HMGCLL1: variants seen among roughly 807,000 people sequenced by gnomAD.
HMGCLL1 encodes 3-hydroxy-3-methylglutaryl-CoA lyase like 1.
A neutral mutation model predicts 39.1 loss-of-function variants in HMGCLL1; 36 were observed. That is an observed-to-expected ratio of 0.92 (90% CI 0.71 to 1.22). The LOEUF is 1.22. HMGCLL1 is among the 50% of genes most tolerant of loss of function. The pLI, the probability that HMGCLL1 is intolerant of heterozygous loss-of-function variation, is 0.00. For synonymous variants in HMGCLL1, 149 were observed against 144.0 expected (o/e 1.03, Z -0.25); for missense variants, 451 against 416.5 (o/e 1.08, Z -0.72).
At chr6:55,464,683 G>A (rs1764724245) in intron 7 of HMGCLL1, among the ~76,000 whole-genome samples, 1 of 152,074 alleles carries the variant, frequency 6.6e-6, no homozygotes, top group South Asian at 2.1e-4. Flanking sequence ...TTGACACTCA[G>A]AGCCCAGGCC....
chr6:55,672,732 C>T, the HMGCLL1 span, among the ~76,000 whole-genome samples: 1 of 151,866 alleles, frequency 6.6e-6, no homozygotes, highest in African/African-American at 2.4e-5. Context: ...TTGCAAAATA[C>T]TATAATAATA....
chr6:55,678,398 G>A, the HMGCLL1 span, among the ~76,000 whole-genome samples: 2 of 151,656 alleles, frequency 1.3e-5, no homozygotes, highest in Non-Finnish European at 1.5e-5. Flanking sequence ...TGAAATACAG[G>A]GAATGAATAA....
the HMGCLL1 span, among the ~76,000 whole-genome samples, chr6:55,659,070 A>T: frequency 6.6e-6 from 1 of 151,918 alleles, no homozygotes; most frequent in East Asian, 1.9e-4. Flanking sequence ...TGTTAGCACA[A>T]TATGAAGAGA....
At chr6:55,492,943 C>A (rs574014918) in intron 7 of HMGCLL1, among the ~76,000 whole-genome samples, 1 of 152,126 alleles carries the variant, frequency 6.6e-6, no homozygotes, top group Non-Finnish European at 1.5e-5. Context: ...CTGAGGGGTA[C>A]AGTATCGATC....
chr6:55,435,810 G>T, intron 8 of HMGCLL1, 47 bp from the exon 9 acceptor site: 1 of 976,814 alleles, frequency 1.0e-6, no homozygotes. Flanking sequence ...GGATTAGAGA[G>T]AAAAAAGATA....
intron 8 of HMGCLL1, among the ~76,000 whole-genome samples, chr6:55,437,039 A>G (rs929964540): frequency 2.6e-5 from 4 of 152,038 alleles, no homozygotes; most frequent in Non-Finnish European, 4.4e-5. Context: ...GGGTTGACAG[A>G]AAGATTTTTG....
At chr6:55,447,614 A>G (rs563622961) in intron 7 of HMGCLL1, among the ~76,000 whole-genome samples, 2 of 152,222 alleles carry the variant, frequency 1.3e-5, no homozygotes, top group East Asian at 3.9e-4. Flanking sequence ...AAAATTTTCA[A>G]TTTCTTTAAG....
intron 7 of HMGCLL1, among the ~76,000 whole-genome samples, chr6:55,460,867 C>T (rs943227710): frequency 2.6e-4 from 40 of 152,002 alleles, no homozygotes; most frequent in Middle Eastern, 3.4e-3. Context: ...ATGACAGTAA[C>T]TTTTAATGTC....
rs1581817524 is a variant in HMGCLL1, at chr6:55,469,631, G to A, written c.795+25788C>T. Among the ~76,000 whole-genome samples, 3 of 151,438 alleles carry A rather than the reference G, an allele frequency of 2.0e-5. No individual in the cohort carries two copies. The South Asian group carries it at 6.3e-4, about 32-fold the overall frequency. ...CGAGAGGAAAAGAAGAGAGGATGAG[G>A]AAAGAGAATAAATGACTTGCTACTG... is the stretch of plus-strand genomic sequence containing the variant. On this transcript the variant is annotated intron_variant, in intron 7 of 8. Coordinates refer to ENST00000274901, the MANE Select transcript of HMGCLL1 (RefSeq NM_001042406.2).
chr6:55,564,603 G>T (rs1278140075), intron 1 of HMGCLL1, among the ~76,000 whole-genome samples: 1 of 152,000 alleles, frequency 6.6e-6, no homozygotes, highest in Non-Finnish European at 1.5e-5. Flanking sequence ...AGTTATCCAA[G>T]AATTTTCATT....
chr6:55,641,875 T>A, the HMGCLL1 span, among the ~76,000 whole-genome samples: 31 of 104,856 alleles, frequency 3.0e-4, no homozygotes, highest in Non-Finnish European at 4.5e-4. Flanking sequence ...AATTTTTTTT[T>A]ATTTTTATTT....
At chr6:55,650,782 T>C in the HMGCLL1 span, among the ~76,000 whole-genome samples, 18 of 152,186 alleles carry the variant, frequency 1.2e-4, no homozygotes, top group African/African-American at 4.3e-4. Context: ...TTCCCTCCCA[T>C]TTCCATAGGC....
At chr6:55,627,902 A>G in the HMGCLL1 span, among the ~76,000 whole-genome samples, 3 of 21,406 alleles carry the variant, frequency 1.4e-4, 1 homozygote, top group African/African-American at 7.0e-4. Context: ...TATATATAGT[A>G]TATATACTAT....
the HMGCLL1 span, among the ~76,000 whole-genome samples, chr6:55,588,147 G>T: frequency 6.6e-6 from 1 of 151,922 alleles, no homozygotes; most frequent in South Asian, 2.1e-4. Context: ...TGACCACATA[G>T]TTGGAAGTAA....
At chr6:55,569,334 T>C (rs1251020825) in intron 1 of HMGCLL1, among the ~76,000 whole-genome samples, 2 of 152,102 alleles carry the variant, frequency 1.3e-5, no homozygotes, top group East Asian at 3.9e-4. Context: ...AGCAGCACCA[T>C]CCAACACAGT....
chr6:55,567,494 A>G (rs1403527362), intron 1 of HMGCLL1, among the ~76,000 whole-genome samples: 2 of 152,150 alleles, frequency 1.3e-5, no homozygotes, highest in African/African-American at 4.8e-5. Context: ...CCTTCTCTCT[A>G]TCCAAATCCC....
At chr6:55,523,992 T>C (rs1768176653) in intron 3 of HMGCLL1, among the ~76,000 whole-genome samples, 1 of 151,988 alleles carries the variant, frequency 6.6e-6, no homozygotes, top group South Asian at 2.1e-4. Context: ...ATAGAATATA[T>C]CAAAATTCCT....
At chr6:55,520,752 C>T (rs1255341771) in intron 3 of HMGCLL1, among the ~76,000 whole-genome samples, 1 of 151,840 alleles carries the variant, frequency 6.6e-6, no homozygotes, top group African/African-American at 2.4e-5. Flanking sequence ...ATTTAACAAA[C>T]TTTTTTCAGA....
intron 7 of HMGCLL1, among the ~76,000 whole-genome samples, chr6:55,487,792 A>G (rs1766111904): frequency 6.6e-6 from 1 of 152,056 alleles, no homozygotes; most frequent in African/African-American, 2.4e-5. Context: ...TCCCTGATTA[A>G]AAACCTCCAG....
Sources: gnomAD v4.1 joint callset for allele counts (sites outside exome capture counted in the v4.1 genomes callset) on GRCh38, gnomAD v4.1.1 for gene constraint, MANE v1.5 for transcripts, NCBI Gene and HGNC (gene_info 2026-07-23, HGNC 2026-07-21) for gene names.